Variants in ESR1 observed in about 807,000 individuals in gnomAD.
ESR1 encodes estrogen receptor 1, also known as estrogen receptor.
In ESR1, 12 loss-of-function variants were observed where a neutral mutation model predicts 52.7. The ratio of observed to expected loss-of-function variants is 0.23; its 90% CI spans 0.15 to 0.37. ESR1 has a LOEUF of 0.37. Among genes scored for constraint, ESR1 ranks in the 10% least tolerant of loss-of-function variants. ESR1 has a pLI of 1.00. For missense variants in ESR1, 584 were observed against 779.7 expected, an observed-to-expected ratio of 0.75 and a Z score of 2.99; for synonymous variants, 305 against 316.8, an observed-to-expected ratio of 0.96 and a Z score of 0.39.
At position 152,099,957 on chromosome 6, in the gene ESR1, T is replaced by C. The variant is rs888376930; in HGVS notation, c.*991T>C. 1 of 398,880 alleles carries C rather than the reference T, an allele frequency of 2.5e-6. No homozygotes were observed. The highest frequency in any genetic ancestry group is 4.4e-6 in the Non-Finnish European group (1 of 226,398). 24.7% of individuals were successfully genotyped at this position (398,880 alleles called of 1,614,324 possible). On this transcript the variant is annotated 3_prime_UTR_variant, in exon 8 of 8. Transcript: ENST00000206249. Reference sequence around the variant, plus strand: ...TAGTTGAAAGGAGCAGGGGCCCTGGTGTTGCATTTAGCCCTGGGGCATGGA... The same window carrying C: ...TAGTTGAAAGGAGCAGGGGCCCTGGCGTTGCATTTAGCCCTGGGGCATGGA...
chr6:152,082,971 A>G (rs1171300926), intron 6 of ESR1, among the ~76,000 whole-genome samples: 1 of 152,232 alleles, frequency 6.6e-6, no homozygotes, highest in Non-Finnish European at 1.5e-5. Flanking sequence ...AGAGGACACA[A>G]ACAAATGGAA....
chr6:151,717,635 C>G (rs1440930408), intron 2 of ESR1, among the ~76,000 whole-genome samples: 1 of 152,094 alleles, frequency 6.6e-6, no homozygotes, highest in Non-Finnish European at 1.5e-5. Context: ...GAAAAAATGT[C>G]TTAAACCATT....
upstream of ESR1, among the ~76,000 whole-genome samples, chr6:151,687,861 G>A (rs1778750840): frequency 6.6e-6 from 1 of 152,146 alleles, no homozygotes; most frequent in Non-Finnish European, 1.5e-5. Flanking sequence ...TTGATGAAAT[G>A]TCAGGCTTTA....
chr6:152,111,357 C>G lies in ESR1; in HGVS notation c.851-13909C>G, dbSNP rs533924854. ...CAGGCTGGGTGCCTGGGATGCACTCCAAAGTGGCAGACGCTAGGCCGTTTG... is the reference window on the plus strand; with the variant it reads ...CAGGCTGGGTGCCTGGGATGCACTCGAAAGTGGCAGACGCTAGGCCGTTTG... On this transcript the variant is annotated intron_variant, in intron 6 of 6. Coordinates refer to the ESR1 transcript ENST00000427531. 7.2e-5 allele frequency among the ~76,000 whole-genome samples: 11 copies of G among 152,324 alleles called. No homozygotes were observed. The South Asian group carries it at 2.1e-3, about 29-fold the overall frequency.
chr6:151,868,577 T>G (rs1440632991), intron 2 of ESR1, among the ~76,000 whole-genome samples: 1 of 152,186 alleles, frequency 6.6e-6, no homozygotes, highest in East Asian at 1.9e-4. Context: ...GTTTTCTGTT[T>G]CTATGTTAGT....
chr6:151,952,360 A>G (rs572223035), intron 4 of ESR1, among the ~76,000 whole-genome samples: 4 of 152,248 alleles, frequency 2.6e-5, no homozygotes, highest in East Asian at 3.9e-4. Flanking sequence ...CTACTTTCCA[A>G]TATTAACTGC....
intron 3 of ESR1, among the ~76,000 whole-genome samples, chr6:151,942,618 A>G (rs2035200948): frequency 6.6e-6 from 1 of 151,138 alleles, no homozygotes; most frequent in South Asian, 2.1e-4. Flanking sequence ...TATGTTTTTG[A>G]AGTGTCATTT....
intron 6 of ESR1, among the ~76,000 whole-genome samples, chr6:152,124,363 TC>T (rs2052582171): frequency 6.6e-6 from 1 of 152,220 alleles, no homozygotes; most frequent in Admixed American, 6.5e-5. Context: ...ACGCAGTGTT[TC>T]TATACACTTC....
At chr6:151,883,905 G>A (rs1793391434) in intron 3 of ESR1, among the ~76,000 whole-genome samples, 1 of 152,010 alleles carries the variant, frequency 6.6e-6, no homozygotes, top group African/African-American at 2.4e-5. Flanking sequence ...ATCGGATTAG[G>A]GCCCCACACA....
At chr6:151,821,340 C>T (rs577300717) in intron 1 of ESR1, among the ~76,000 whole-genome samples, 11 of 152,290 alleles carry the variant, frequency 7.2e-5, no homozygotes, top group African/African-American at 2.6e-4. Flanking sequence ...CCATGCTTGT[C>T]TAGACAGGCC....
intron 2 of ESR1, among the ~76,000 whole-genome samples, chr6:151,739,409 C>T (rs1201802436): frequency 6.6e-6 from 1 of 152,244 alleles, no homozygotes; most frequent in East Asian, 1.9e-4. Flanking sequence ...TTTTCTAGCA[C>T]CAGGTATTTT....
intron 3 of ESR1, among the ~76,000 whole-genome samples, chr6:151,939,904 AAAC>A (rs1441599392): frequency 2.0e-5 from 3 of 152,176 alleles, no homozygotes; most frequent in African/African-American, 7.2e-5. Context: ...TGTTTGTACA[AAAC>A]AAAAAACAAT....
At chr6:152,034,494 C>T (rs1015683611) in intron 5 of ESR1, among the ~76,000 whole-genome samples, 1 of 150,878 alleles carries the variant, frequency 6.6e-6, no homozygotes, top group Admixed American at 6.6e-5. Flanking sequence ...AGTTTGTCTG[C>T]TGTGTGTCCT....
At chr6:151,775,446 T>C (rs1785878242) in intron 2 of ESR1, among the ~76,000 whole-genome samples, 1 of 152,060 alleles carries the variant, frequency 6.6e-6, no homozygotes, top group African/African-American at 2.4e-5. Context: ...CAACCTGTAC[T>C]AGCGTGTTAA....
chr6:151,707,686 T>TTA (rs1780286611), intron 2 of ESR1, among the ~76,000 whole-genome samples: 1 of 152,092 alleles, frequency 6.6e-6, no homozygotes, highest in African/African-American at 2.4e-5. Context: ...GCAAAGTTCT[T>TTA]TATAAAGTCC....
intron 6 of ESR1, chr6:152,125,194 TG>T: frequency 6.6e-7 from 1 of 1,512,066 alleles, no homozygotes; most frequent in Non-Finnish European, 8.9e-7. Context: ...CCGCACTCTC[TG>T]CTGTGAAATG....
chr6:152,019,443 A>C (rs1259792556), intron 5 of ESR1, among the ~76,000 whole-genome samples: 4 of 152,196 alleles, frequency 2.6e-5, no homozygotes, highest in Admixed American at 6.5e-5. Context: ...TGTATTATAA[A>C]ATATGCTAAG....
intron 5 of ESR1, among the ~76,000 whole-genome samples, chr6:152,045,608 G>C (rs2046168362): frequency 6.6e-6 from 1 of 152,148 alleles, no homozygotes; most frequent in Non-Finnish European, 1.5e-5. Flanking sequence ...TATTACAACA[G>C]TACCTTTCTC....
intron 2 of ESR1, among the ~76,000 whole-genome samples, chr6:151,863,489 A>G (rs1403130658): frequency 1.3e-5 from 2 of 152,102 alleles, no homozygotes; most frequent in Non-Finnish European, 2.9e-5. Context: ...TTGCACATTG[A>G]TTTTGTATCC....
Sources: allele counts gnomAD v4.1 joint callset (sites outside exome capture counted in the v4.1 genomes callset), GRCh38; gene constraint gnomAD v4.1.1; transcripts MANE v1.5; gene names NCBI Gene and HGNC (gene_info 2026-07-23, HGNC 2026-07-21).